The following HDAC9 variants were observed in gnomAD, a reference collection of about 807,000 sequenced individuals.
HDAC9 encodes the protein histone deacetylase 9.
HDAC9 carries 41 observed loss-of-function variants against 139.4 expected under a neutral mutation model. That is an observed-to-expected ratio of 0.29 (90% CI 0.23 to 0.38). HDAC9 has a LOEUF of 0.38. HDAC9 is among the 10% of genes least tolerant of loss of function. The pLI is 1.00. For missense variants in HDAC9, 1,147 were observed against 1,297.0 expected, an observed-to-expected ratio of 0.88 and a Z score of 1.78; for synonymous variants, 517 against 476.2, an observed-to-expected ratio of 1.09 and a Z score of -1.12.
chr7:18,148,883 T>A (rs1584330593), intron 1 of HDAC9, among the ~76,000 whole-genome samples: 1 of 152,190 alleles, frequency 6.6e-6, no homozygotes, highest in South Asian at 2.1e-4. Context: ...TTAATTCCCC[T>A]TGGCATATGA....
intron 25 of HDAC9, among the ~76,000 whole-genome samples, chr7:18,993,145 T>TAAAACAGTGACCTAGGGACAGG (rs56743908): frequency 6.6e-6 from 1 of 151,472 alleles, no homozygotes; most frequent in Non-Finnish European, 1.5e-5. Flanking sequence ...ACATATTTTT[T>TAAAACAGTGACCTAGGGACAGG]GATTATATGA....
chr7:18,560,645 G>C (rs1820295476), intron 2 of HDAC9, among the ~76,000 whole-genome samples: 1 of 152,190 alleles, frequency 6.6e-6, no homozygotes, highest in Admixed American at 6.5e-5. Context: ...TCAGCACAGT[G>C]ATTGGCACCT....
intron 14 of HDAC9, among the ~76,000 whole-genome samples, chr7:18,761,173 G>A (rs886840918): frequency 1.3e-5 from 2 of 152,138 alleles, no homozygotes; most frequent in Admixed American, 6.6e-5. Context: ...AATTAACTTC[G>A]TGCACCAGCA....
At chr7:18,194,254 A>G (rs577222446) in intron 2 of HDAC9, among the ~76,000 whole-genome samples, 1 of 151,992 alleles carries the variant, frequency 6.6e-6, no homozygotes, top group African/African-American at 2.4e-5. Context: ...GCTTTTTTAC[A>G]TATCTCTGTA....
At chr7:18,696,097 C>A (rs1167092723) in intron 12 of HDAC9, among the ~76,000 whole-genome samples, 1 of 151,898 alleles carries the variant, frequency 6.6e-6, no homozygotes, top group South Asian at 2.1e-4. Context: ...AATGCTCTTG[C>A]TTTTAATATC....
intron 25 of HDAC9, among the ~76,000 whole-genome samples, chr7:18,987,882 T>A (rs1563109680): frequency 1.3e-5 from 2 of 152,206 alleles, no homozygotes; most frequent in Non-Finnish European, 2.9e-5. Flanking sequence ...TCTCTGATGG[T>A]AGTTTGTATT....
intron 24 of HDAC9, among the ~76,000 whole-genome samples, chr7:18,965,388 C>T (rs1040136060): frequency 5.9e-5 from 9 of 152,248 alleles, no homozygotes; most frequent in Admixed American, 1.3e-4. Context: ...ACAGAGAGGA[C>T]GCTTGAGATG....
At chr7:18,558,490 G>T (rs1440487125) in intron 2 of HDAC9, among the ~76,000 whole-genome samples, 1 of 152,280 alleles carries the variant, frequency 6.6e-6, no homozygotes, top group Non-Finnish European at 1.5e-5. Flanking sequence ...TACAGATGGG[G>T]AAACTCAGGT....
chr7:18,808,638 G>A (rs548046836), intron 17 of HDAC9, among the ~76,000 whole-genome samples: 23 of 152,084 alleles, frequency 1.5e-4, no homozygotes, highest in Admixed American at 6.5e-4. Context: ...ATTGATGGGA[G>A]AAATTTTGAA....
intron 5 of HDAC9, among the ~76,000 whole-genome samples, chr7:18,593,287 C>G (rs940813603): frequency 1.3e-5 from 2 of 151,912 alleles, no homozygotes; most frequent in African/African-American, 4.8e-5. Context: ...GTCCTATAAA[C>G]TATTCTCCAG....
At chr7:18,525,281 C>T (rs1054786449) in intron 2 of HDAC9, among the ~76,000 whole-genome samples, 5 of 151,358 alleles carry the variant, frequency 3.3e-5, no homozygotes, top group Admixed American at 6.6e-5. Flanking sequence ...ATAATATTGG[C>T]GACTTAAAAA....
intron 2 of HDAC9, among the ~76,000 whole-genome samples, chr7:18,208,372 C>CTTTTT (rs71553923): frequency 6.1e-5 from 8 of 130,528 alleles, no homozygotes; most frequent in Admixed American, 2.4e-4. Flanking sequence ...CTGAGAGTAT[C>CTTTTT]TTTTTTTTTT....
intron 1 of HDAC9, among the ~76,000 whole-genome samples, chr7:18,457,980 A>C (rs561243448): frequency 6.6e-6 from 1 of 152,102 alleles, no homozygotes; most frequent in African/African-American, 2.4e-5. Context: ...CTTTCTCACT[A>C]TCTGAGGTTG....
chr7:18,532,522 C>T (rs564381763), intron 2 of HDAC9, among the ~76,000 whole-genome samples: 2 of 152,220 alleles, frequency 1.3e-5, no homozygotes, highest in Non-Finnish European at 2.9e-5. Flanking sequence ...TTTCTTAGAA[C>T]ATCATAAACT....
chr7:18,811,120 G>A (rs1476581492), intron 17 of HDAC9, among the ~76,000 whole-genome samples: 2 of 151,536 alleles, frequency 1.3e-5, no homozygotes, highest in African/African-American at 4.8e-5. Flanking sequence ...ATTCCTGAGA[G>A]TGGTAATTTG....
intron 13 of HDAC9, among the ~76,000 whole-genome samples, chr7:18,735,906 T>C (rs1270829594): frequency 6.6e-6 from 1 of 152,228 alleles, no homozygotes; most frequent in Non-Finnish European, 1.5e-5. Context: ...CTCTCCTATT[T>C]ACTTGAGCAG....
intron 2 of HDAC9, among the ~76,000 whole-genome samples, chr7:18,584,568 T>G (rs1449106314): frequency 5.3e-5 from 8 of 152,218 alleles, no homozygotes; most frequent in African/African-American, 1.9e-4. Flanking sequence ...GTGGTTTGAT[T>G]AAATACTTGT....
chr7:18,496,339 C>T lies in HDAC9; in HGVS notation c.22+15C>T, dbSNP rs930346061. The T allele has an allele frequency of 5.6e-6, 9 of 1,610,520 alleles. No individual in the cohort carries two copies. The highest frequency in any genetic ancestry group is 7.6e-6 in the Non-Finnish European group (9 of 1,177,468). On this transcript the variant is annotated intron_variant, in intron 2 of 25. Transcript: ENST00000686413. ...GATCAGCTCAGGTAAGATCCTCTTTCATAACTGAGACGTTTTAGGTTTGAA... is the reference window on the plus strand; with the variant it reads ...GATCAGCTCAGGTAAGATCCTCTTTTATAACTGAGACGTTTTAGGTTTGAA...
At chr7:18,658,534 A>C (rs115927815) in intron 11 of HDAC9, among the ~76,000 whole-genome samples, 1 of 152,304 alleles carries the variant, frequency 6.6e-6, no homozygotes, top group African/African-American at 2.4e-5. Context: ...AATATTGCTT[A>C]GAAATGGTAT....
Sources: gnomAD v4.1 joint callset for allele counts (sites outside exome capture counted in the v4.1 genomes callset) on GRCh38, gnomAD v4.1.1 for gene constraint, MANE v1.5 for transcripts, NCBI Gene and HGNC (gene_info 2026-07-23, HGNC 2026-07-21) for gene names.